RGS7: variants seen among roughly 807,000 people sequenced by gnomAD.
RGS7 encodes the protein regulator of G protein signaling 7, also known as regulator of G-protein signaling 7.
Under a neutral mutation model 81.1 loss-of-function variants are expected in RGS7, and 27 were observed. That is an observed-to-expected ratio of 0.33 (90% CI 0.25 to 0.46). The LOEUF is 0.46. Ranked by LOEUF, RGS7 falls within the 20% of genes least tolerant of loss-of-function variation. RGS7 has a pLI of 1.00. For missense variants in RGS7, 396 were observed against 607.4 expected (o/e 0.65, Z 3.66); for synonymous variants, 208 against 207.7 (o/e 1.00, Z -0.01).
At chr1:240,894,233 T>C (rs1668685574) in intron 6 of RGS7, among the ~76,000 whole-genome samples, 1 of 152,200 alleles carries the variant, frequency 6.6e-6, no homozygotes. Context: ...CTCTTTTTCC[T>C]TGAGTTTCTT....
At chr1:241,235,003 C>G (rs957855700) in intron 2 of RGS7, among the ~76,000 whole-genome samples, 1 of 152,110 alleles carries the variant, frequency 6.6e-6, no homozygotes, top group African/African-American at 2.4e-5. Flanking sequence ...CTTTTTAAAT[C>G]TAATTTCTAT....
intron 2 of RGS7, among the ~76,000 whole-genome samples, chr1:241,158,603 T>C (rs982308563): frequency 2.0e-5 from 3 of 152,350 alleles, no homozygotes; most frequent in African/African-American, 2.4e-5. Context: ...ATGGATCTTT[T>C]AACATACAAG....
intron 3 of RGS7, among the ~76,000 whole-genome samples, chr1:241,091,911 T>C (rs2063912110): frequency 6.6e-6 from 1 of 152,054 alleles, no homozygotes; most frequent in African/African-American, 2.4e-5. Flanking sequence ...AAAAACCAAC[T>C]TTATTATTTA....
At chr1:241,012,324 A>C (rs971789768) in intron 3 of RGS7, among the ~76,000 whole-genome samples, 5 of 152,202 alleles carry the variant, frequency 3.3e-5, no homozygotes, top group Admixed American at 1.3e-4. Flanking sequence ...AAGGTCCCTC[A>C]TGCAAAGGCA....
intron 5 of RGS7, among the ~76,000 whole-genome samples, chr1:240,936,081 T>C (rs1450209572): frequency 6.6e-6 from 1 of 152,218 alleles, no homozygotes; most frequent in Non-Finnish European, 1.5e-5. Context: ...CTAGAATGAC[T>C]CTTATCAGTT....
At chr1:241,221,006 A>AGAGAAAGGAAGGAAGGAAGGAAGGAAGG (rs1553289481) in intron 2 of RGS7, among the ~76,000 whole-genome samples, 1 of 84,550 alleles carries the variant, frequency 1.2e-5, no homozygotes, top group African/African-American at 4.0e-5. Context: ...AGAGAGAGAG[A>AGAGAAAGGAAGGAAGGAAGGAAGGAAGG]AAGGAAGGAA....
chr1:241,275,420 C>T (rs1331057519), intron 2 of RGS7, among the ~76,000 whole-genome samples: 1 of 152,188 alleles, frequency 6.6e-6, no homozygotes. Context: ...ACACCCCTAA[C>T]AGGATACTTG....
At chr1:240,840,461 G>T (rs1657729592) in intron 9 of RGS7, among the ~76,000 whole-genome samples, 1 of 152,116 alleles carries the variant, frequency 6.6e-6, no homozygotes, top group Admixed American at 6.5e-5. Flanking sequence ...TTAGTAGAGA[G>T]ACAGGGTTTC....
chr1:241,071,879 A>AT (rs2062480553), intron 3 of RGS7, among the ~76,000 whole-genome samples: 1 of 98,642 alleles, frequency 1.0e-5, no homozygotes, highest in Non-Finnish European at 2.6e-5. Flanking sequence ...CCTGTCAAAA[A>AT]AAAAAAAAAA....
At chr1:240,786,113 A>C (rs74151829) in intron 18 of RGS7, among the ~76,000 whole-genome samples, 6,390 of 152,284 alleles carry the variant, frequency 0.042, 137 homozygotes, top group East Asian at 0.11. Flanking sequence ...AGTATAGCCA[A>C]ATACTTTCAT....
At chr1:241,008,902 ACT>A (rs1437051398) in intron 3 of RGS7, among the ~76,000 whole-genome samples, 2 of 132,828 alleles carry the variant, frequency 1.5e-5, no homozygotes, top group Non-Finnish European at 3.2e-5. Context: ...ACAGAGCAAG[ACT>A]CTGTCTCCAA....
intron 2 of RGS7, among the ~76,000 whole-genome samples, chr1:241,100,064 TTTATA>T (rs1371691838): frequency 2.6e-5 from 4 of 152,152 alleles, no homozygotes; most frequent in African/African-American, 9.7e-5. Flanking sequence ...CAGTCTAAAC[TTTATA>T]TTAATGAATT....
chr1:240,856,696 T>C (rs1386647566), intron 9 of RGS7, among the ~76,000 whole-genome samples: 1 of 152,194 alleles, frequency 6.6e-6, no homozygotes, highest in Non-Finnish European at 1.5e-5. Context: ...GTGCAACTAA[T>C]CCTTCAAAAG....
chr1:241,108,016 C>T (rs2065235678), intron 2 of RGS7, among the ~76,000 whole-genome samples: 2 of 152,004 alleles, frequency 1.3e-5, no homozygotes, highest in Non-Finnish European at 2.9e-5. Context: ...GCCCAAGGGC[C>T]AGGTGCGGTG....
At chr1:240,838,767 ATTATTTTTTT>A (rs1462492239) in intron 9 of RGS7, among the ~76,000 whole-genome samples, 1 of 150,452 alleles carries the variant, frequency 6.6e-6, no homozygotes, top group African/African-American at 2.5e-5. Context: ...CTTATTTTTT[ATTATTTTTTT>A]TTTTTTTGAG....
intron 2 of RGS7, among the ~76,000 whole-genome samples, chr1:241,268,817 A>T (rs1018731230): frequency 6.6e-6 from 1 of 151,874 alleles, no homozygotes; most frequent in Non-Finnish European, 1.5e-5. Context: ...CAACCCCTAC[A>T]TATTCCAAAA....
At chr1:241,179,200 T>C (rs2071401153) in intron 2 of RGS7, among the ~76,000 whole-genome samples, 1 of 152,204 alleles carries the variant, frequency 6.6e-6, no homozygotes, top group Non-Finnish European at 1.5e-5. Context: ...GTTCAAGCAA[T>C]TCTCCTGCTT....
intron 2 of RGS7, among the ~76,000 whole-genome samples, chr1:241,331,668 G>A (rs2081986844): frequency 6.6e-6 from 1 of 152,100 alleles, no homozygotes; most frequent in Admixed American, 6.5e-5. Context: ...TTTCTAACAG[G>A]AGGAATGTAA....
chr1:241,116,001 C>T (rs112642602), intron 2 of RGS7, among the ~76,000 whole-genome samples: 1 of 152,220 alleles, frequency 6.6e-6, no homozygotes, highest in Non-Finnish European at 1.5e-5. Context: ...AACACTCTCG[C>T]TCTCTCTTGC....
Sources: gnomAD v4.1 joint callset for allele counts (sites outside exome capture counted in the v4.1 genomes callset) on GRCh38, gnomAD v4.1.1 for gene constraint, MANE v1.5 for transcripts, NCBI Gene and HGNC (gene_info 2026-07-23, HGNC 2026-07-21) for gene names.